Variants in TATDN1 observed in about 807,000 individuals in gnomAD.
The protein encoded by TATDN1 is TatD DNase domain containing 1, also known as deoxyribonuclease TATDN1.
A neutral mutation model predicts 46.4 loss-of-function variants in TATDN1; 40 were observed. That is an observed-to-expected ratio of 0.86 (90% CI 0.67 to 1.12). TATDN1 has a LOEUF of 1.12. Ranked by LOEUF, TATDN1 falls within the 50% of genes most tolerant of loss-of-function variation. The pLI is 0.00. For missense variants in TATDN1, 326 were observed against 348.4 expected, an observed-to-expected ratio of 0.94 and a Z score of 0.51; for synonymous variants, 95 against 105.6, an observed-to-expected ratio of 0.90 and a Z score of 0.62.
chr8:124,538,813 T>G (rs1039712941), intron 1 of TATDN1: 1 of 615,244 alleles, frequency 1.6e-6, no homozygotes, highest in Admixed American at 2.9e-5. Context: ...CTTGTTAATT[T>G]TTACAAATAA....
At chr8:124,535,131 T>C (rs1263541891) in intron 1 of TATDN1, among the ~76,000 whole-genome samples, 1 of 152,164 alleles carries the variant, frequency 6.6e-6, no homozygotes, top group African/African-American at 2.4e-5. Context: ...CATGATGGGT[T>C]TTCCTAGGCA....
chr8:124,489,982 C>G (rs1248552679), intron 11 of TATDN1: 3 of 152,266 alleles, frequency 2.0e-5, no homozygotes, highest in Admixed American at 1.3e-4. Flanking sequence ...TTATACTAAG[C>G]AAACACTACA....
Position 124,528,814 on chromosome 8 carries a change from A to G in TATDN1, c.23-5812T>C, listed in dbSNP as rs190522906. ...GAGACTCTCCCAGCACTCCCTCAAC[A>G]TAAGGAGAAGAAAAACAAATTTTCC... On this transcript the variant is annotated intron_variant, in intron 1 of 11. Transcript: ENST00000276692. Among the ~76,000 whole-genome samples the G allele has an allele frequency of 9.8e-3, 1,499 of 152,346 alleles. 22 individuals are homozygous for G. The highest frequency in any genetic ancestry group is 0.015 in the Non-Finnish European group (1,044 of 68,032).
At chr8:124,490,766 TGA>T (rs1283007006) in intron 11 of TATDN1, among the ~76,000 whole-genome samples, 1 of 146,188 alleles carries the variant, frequency 6.8e-6, no homozygotes, top group Non-Finnish European at 1.5e-5. Context: ...TTTTTTTTTT[TGA>T]GAGAGTCTTA....
chr8:124,534,621 G>C (rs1821276938), intron 1 of TATDN1, among the ~76,000 whole-genome samples: 1 of 152,152 alleles, frequency 6.6e-6, no homozygotes, highest in African/African-American at 2.4e-5. Flanking sequence ...TCTGACGTCA[G>C]GTATGTGTGG....
intron 2 of TATDN1, 41 bp downstream of exon 2, chr8:124,522,896 C>G (rs1307158233): frequency 6.4e-7 from 1 of 1,557,654 alleles, no homozygotes; most frequent in African/African-American, 1.4e-5. Context: ...GAAAATTTGT[C>G]TTCATAGGAA....
At chr8:124,498,902 A>G (rs1285366252) in intron 9 of TATDN1, among the ~76,000 whole-genome samples, 1 of 150,316 alleles carries the variant, frequency 6.7e-6, no homozygotes, top group Non-Finnish European at 1.5e-5. Context: ...TGCCTGCCTC[A>G]GCCTCCTGAA....
At chr8:124,523,274 T>A in intron 1 of TATDN1, 1 of 364,158 alleles carries the variant, frequency 2.7e-6, no homozygotes, top group East Asian at 5.9e-5. Flanking sequence ...ACTGGTACTA[T>A]GGGACACAGA....
At chr8:124,495,661 A>G in intron 9 of TATDN1, 119 bp from the exon 10 acceptor site, 1 of 716,656 alleles carries the variant, frequency 1.4e-6, no homozygotes, top group Non-Finnish European at 2.3e-6. Context: ...CTTTGTTTTC[A>G]GTATACTTTG....
intron 11 of TATDN1, chr8:124,489,403 C>CTTTTTTT (rs11443180): frequency 1.4e-5 from 2 of 146,746 alleles, no homozygotes; most frequent in African/African-American, 2.5e-5. Context: ...TCTTTCCTTT[C>CTTTTTTT]TTTTTTTTTT....
chr8:124,489,355 CTCTT>C (rs1816718923), intron 11 of TATDN1: 1 of 151,936 alleles, frequency 6.6e-6, no homozygotes, highest in Non-Finnish European at 1.5e-5. Context: ...CTCTGTCTCT[CTCTT>C]CCTTCCCTTC....
intron 8 of TATDN1, among the ~76,000 whole-genome samples, chr8:124,506,765 GAC>G (rs1818472361): frequency 6.6e-6 from 1 of 152,154 alleles, no homozygotes. Context: ...TCTTTTGCTA[GAC>G]ACAGTCACTC....
At chr8:124,517,398 A>G (rs1819574024) in intron 4 of TATDN1, among the ~76,000 whole-genome samples, 2 of 150,836 alleles carry the variant, frequency 1.3e-5, no homozygotes, top group African/African-American at 4.9e-5. Flanking sequence ...ATTGCACTCC[A>G]GCCTGGGTGA....
At chr8:124,534,727 C>T (rs986665305) in intron 1 of TATDN1, among the ~76,000 whole-genome samples, 2 of 152,084 alleles carry the variant, frequency 1.3e-5, no homozygotes, top group African/African-American at 2.4e-5. Context: ...AACATCAGAC[C>T]GCAGAGGTCA....
At chr8:124,514,136 T>C (rs1188868080) in intron 6 of TATDN1, among the ~76,000 whole-genome samples, 1 of 152,154 alleles carries the variant, frequency 6.6e-6, no homozygotes, top group Non-Finnish European at 1.5e-5. Flanking sequence ...TTCTACTTGG[T>C]TATAGATCTT....
At chr8:124,518,243 G>T (rs1399906448) in intron 4 of TATDN1, among the ~76,000 whole-genome samples, 1 of 100,470 alleles carries the variant, frequency 1.0e-5, no homozygotes, top group Non-Finnish European at 2.0e-5. Flanking sequence ...AAAAAAAAAA[G>T]GCCGGGTGCA....
intron 1 of TATDN1, 40 bp from the exon 2 acceptor site, chr8:124,523,042 T>G: frequency 7.1e-6 from 11 of 1,541,478 alleles, no homozygotes; most frequent in Non-Finnish European, 8.0e-6. Flanking sequence ...ATTGAGTCTC[T>G]ACATGAAACT....
Position 124,515,814 on chromosome 8 carries a change from T to G in TATDN1, c.347-26A>C, listed in dbSNP as rs369286640. 5.0e-6 allele frequency: 8 copies of G among 1,613,444 alleles called. No homozygotes were observed. The African/African-American group carries it at 1.1e-4, about 22-fold the overall frequency. On this transcript the variant is annotated intron_variant, in intron 5 of 11. Transcript: ENST00000276692. ...CTTTAAAAAGATAAAGAAGAATAAT[T>G]ACTCCTAACTTATACAGAACAAATT...
In TATDN1 at chr8:124,525,411, T is replaced by C. The variant is rs112003820; in HGVS notation, c.23-2409A>G. ...CTCCACCCACCTTGGCCTCCCAAAATGCTGGGATTACAGGCATGAGGCACC... is the reference window on the plus strand; with the variant it reads ...CTCCACCCACCTTGGCCTCCCAAAACGCTGGGATTACAGGCATGAGGCACC... On this transcript the variant is annotated intron_variant, in intron 1 of 11. Coordinates refer to ENST00000276692, the MANE Select transcript of TATDN1 (RefSeq NM_032026.4). Among the ~76,000 whole-genome samples, 1,103 of 152,194 alleles carry C rather than the reference T, an allele frequency of 7.2e-3. 13 individuals carry two copies. Among genetic ancestry groups the C allele is most frequent in the African/African-American group, 0.026 (1,061 of 41,520 alleles).
Sources: gnomAD v4.1 joint callset for allele counts (sites outside exome capture counted in the v4.1 genomes callset) on GRCh38, gnomAD v4.1.1 for gene constraint, MANE v1.5 for transcripts, NCBI Gene and HGNC (gene_info 2026-07-23, HGNC 2026-07-21) for gene names.